Variants in NCR2 observed in about 807,000 individuals in gnomAD.
The protein encoded by NCR2 is natural cytotoxicity triggering receptor 2, also known as NK cell activating receptor (NKp44).
A neutral mutation model predicts 30.7 loss-of-function variants in NCR2; 35 were observed. The ratio of observed to expected loss-of-function variants is 1.14; its 90% CI spans 0.87 to 1.51. NCR2 has a LOEUF of 1.51. NCR2 is among the 40% of genes most tolerant of loss of function. The pLI is 0.00. For missense variants in NCR2, 316 were observed against 328.9 expected, an observed-to-expected ratio of 0.96 and a Z score of 0.30; for synonymous variants, 146 against 134.8, an observed-to-expected ratio of 1.08 and a Z score of -0.58.
chr6:41,347,322 C>A (rs1279210818), intron 4 of NCR2, among the ~76,000 whole-genome samples: 2 of 152,190 alleles, frequency 1.3e-5, no homozygotes, highest in East Asian at 3.8e-4. Flanking sequence ...ATATATTAAA[C>A]CCTCCCCACC....
At chr6:41,345,927 G>A (rs2114063542) in intron 4 of NCR2, among the ~76,000 whole-genome samples, 1 of 152,252 alleles carries the variant, frequency 6.6e-6, no homozygotes, top group South Asian at 2.1e-4. Flanking sequence ...TCTTGCGGGG[G>A]GAGGGAGGCG....
intron 4 of NCR2, among the ~76,000 whole-genome samples, chr6:41,346,329 C>T (rs1287210421): frequency 2.0e-5 from 3 of 152,112 alleles, no homozygotes; most frequent in Non-Finnish European, 2.9e-5. Flanking sequence ...GGTCAGTAAG[C>T]GCCAATAGCC....
At chr6:41,348,465 CA>C (rs35757553) in intron 4 of NCR2, among the ~76,000 whole-genome samples, 2 of 147,286 alleles carry the variant, frequency 1.4e-5, no homozygotes, top group African/African-American at 5.0e-5. Flanking sequence ...AAGGGGGAGA[CA>C]AAAAAAAAAG....
At chr6:41,336,529 GC>G in intron 2 of NCR2, 101 bp downstream of exon 2, 1 of 951,454 alleles carries the variant, frequency 1.1e-6, no homozygotes, top group Non-Finnish European at 1.6e-6. Flanking sequence ...CCATGCCCAC[GC>G]CCCAGTCTCC....
chr6:41,346,183 A>G (rs147619174), intron 4 of NCR2, among the ~76,000 whole-genome samples: 3,872 of 152,222 alleles, frequency 0.025, 132 homozygotes, highest in African/African-American at 0.079. Flanking sequence ...TGCTCCCGCC[A>G]TAATTCTTTG....
At chr6:41,348,011 C>T (rs1769344512) in intron 4 of NCR2, among the ~76,000 whole-genome samples, 1 of 152,202 alleles carries the variant, frequency 6.6e-6, no homozygotes. Context: ...CCATTAATAA[C>T]CTAGTCTCTG....
chr6:41,338,924 A>G (rs1052691769), intron 2 of NCR2, among the ~76,000 whole-genome samples: 6 of 152,242 alleles, frequency 3.9e-5, no homozygotes, highest in Admixed American at 1.3e-4. Flanking sequence ...GTTACTTTAC[A>G]AGAAGCCACA....
rs151204099 is a variant in NCR2 at position 41,341,274 on chromosome 6, G to A, written c.395-520G>A. On this transcript the variant is annotated intron_variant, in intron 2 of 4. Transcript: ENST00000373089. Reference sequence around the variant, plus strand: ...TGAACAGCAGGAGTGGTGCGCAGCCGGTTCACAGAGTCCCAGAGTCAAGAG... The same window carrying A: ...TGAACAGCAGGAGTGGTGCGCAGCCAGTTCACAGAGTCCCAGAGTCAAGAG... Among the ~76,000 whole-genome samples the A allele has an allele frequency of 8.1e-3, 1,232 of 152,256 alleles. 7 individuals are homozygous for A. Among genetic ancestry groups the A allele is most frequent in the Non-Finnish European group, 0.014 (921 of 68,010 alleles).
At chr6:41,344,348 G>T (rs1436778676) in intron 4 of NCR2, among the ~76,000 whole-genome samples, 1 of 152,058 alleles carries the variant, frequency 6.6e-6, no homozygotes, top group Non-Finnish European at 1.5e-5. Flanking sequence ...GCCTCAACTC[G>T]CCACATTCAA....
chr6:41,336,317 A>C lies in NCR2; in HGVS notation c.283A>C (p.Thr95Pro), dbSNP rs752698875. ...DDPDAGFFTV[T>P]MTDLREEDSG... ...CCCTGATGCTGGCTTCTTCACTGTC[A>C]CCATGACTGATCTGAGAGAGGAAGA... is the stretch of plus-strand genomic sequence containing the variant. Residue 95 changes from threonine (T) to proline (P), a missense_variant, in exon 2 of 5, where the codon ACC becomes CCC. Physicochemically the swap from Thr to Pro is conservative, Grantham distance 38. Coordinates refer to ENST00000373089, the MANE Select transcript of NCR2 (RefSeq NM_004828.4). 7 of 1,614,004 alleles carry C rather than the reference A, an allele frequency of 4.3e-6. No homozygotes were observed. The African/African-American group carries it at 9.3e-5, about 22-fold the overall frequency.
intron 4 of NCR2, among the ~76,000 whole-genome samples, chr6:41,347,702 G>C (rs1370921026): frequency 6.6e-6 from 1 of 152,194 alleles, no homozygotes; most frequent in African/African-American, 2.4e-5. Flanking sequence ...AACAACAAAT[G>C]ATACATATTC....
intron 2 of NCR2, among the ~76,000 whole-genome samples, 183 bp downstream of exon 2, chr6:41,336,611 A>C (rs755138196): frequency 6.6e-6 from 1 of 152,180 alleles, no homozygotes; most frequent in Non-Finnish European, 1.5e-5. Context: ...CACAGTCTGC[A>C]TGACTCCCAA....
At position 41,338,999 on chromosome 6, in the gene NCR2, T is replaced by C. The variant is rs147177040; in HGVS notation, c.394+2571T>C. On this transcript the variant is annotated intron_variant, in intron 2 of 4. Coordinates refer to ENST00000373089, the MANE Select transcript of NCR2 (RefSeq NM_004828.4). Reference sequence around the variant, plus strand: ...GAGCTTTTCAATCCAATACTCTTTTTTCTCCTAAAAACAGTTTGTTGTGAA... The same window carrying C: ...GAGCTTTTCAATCCAATACTCTTTTCTCTCCTAAAAACAGTTTGTTGTGAA... Among the ~76,000 whole-genome samples, 524 of 152,364 alleles carry C rather than the reference T, an allele frequency of 3.4e-3. 2 individuals carry two copies. Among genetic ancestry groups the C allele is most frequent in the Middle Eastern group, 6.8e-3 (2 of 294 alleles).
Position 41,336,138 on chromosome 6 carries a change from C to G in NCR2, c.104C>G (p.Thr35Arg), listed in dbSNP as rs369719666. Residue 35 changes from threonine (T) to arginine (R), a missense_variant, in exon 2 of 5, where the codon ACG becomes AGG. Thr to Arg is a moderately conservative substitution (Grantham distance 71). Transcript: ENST00000373089. ...AQVLQSVAGQ[T>R]LTVRCQYPPT... ...GTACTTCAAAGTGTGGCAGGGCAGA[C>G]GCTAACCGTGAGATGCCAGTACCCG... 4 of 1,614,064 alleles carry G rather than the reference C, an allele frequency of 2.5e-6. No homozygotes were observed. The highest frequency in any genetic ancestry group is 3.4e-6 in the Non-Finnish European group (4 of 1,180,026).
At chr6:41,347,708 T>C (rs1769335629) in intron 4 of NCR2, among the ~76,000 whole-genome samples, 2 of 152,198 alleles carry the variant, frequency 1.3e-5, no homozygotes, top group South Asian at 4.1e-4. Flanking sequence ...AAATGATACA[T>C]ATTCATTAGG....
chr6:41,339,579 G>C (rs778496189), intron 2 of NCR2, among the ~76,000 whole-genome samples: 2 of 151,212 alleles, frequency 1.3e-5, no homozygotes, highest in African/African-American at 2.4e-5. Context: ...TAGAGATGGG[G>C]TTTCACCATG....
chr6:41,336,575 T>G (rs149822357), intron 2 of NCR2, 147 bp downstream of exon 2: 2 of 649,578 alleles, frequency 3.1e-6, no homozygotes, highest in East Asian at 5.4e-5. Flanking sequence ...CAGGGGGAAC[T>G]CATATGTGCA....
At chr6:41,336,502 C>G in intron 2 of NCR2, 74 bp downstream of exon 2, 2 of 1,348,286 alleles carry the variant, frequency 1.5e-6, no homozygotes, top group Non-Finnish European at 1.0e-6. Context: ...CCCTGGTTTC[C>G]CAATCGTGGA....
In NCR2 at chr6:41,342,161, G is replaced by A. The variant is rs751331639; in HGVS notation, c.644+12G>A. On this transcript the variant is annotated intron_variant, in intron 4 of 4. Coordinates refer to ENST00000373089, the MANE Select transcript of NCR2 (RefSeq NM_004828.4). The stretch of plus-strand genomic sequence containing the variant: ...CTGCTCGTCTGGTGGTGAGTGTGGT[G>A]TGGGTTGAACTCGGGGAAAATGGAA... 2.5e-6 allele frequency: 4 copies of A among 1,611,816 alleles called. No homozygotes were observed. The Admixed American group carries it at 5.0e-5, about 20-fold the overall frequency.
Sources: gnomAD v4.1 joint callset for allele counts (sites outside exome capture counted in the v4.1 genomes callset) on GRCh38, gnomAD v4.1.1 for gene constraint, MANE v1.5 for transcripts, NCBI Gene and HGNC (gene_info 2026-07-23, HGNC 2026-07-21) for gene names.